Variants in ANKRD31 observed in about 807,000 individuals in gnomAD.
The protein encoded by ANKRD31 is ankyrin repeat domain 31.
Under a neutral mutation model 186.0 loss-of-function variants are expected in ANKRD31, and 147 were observed. That is an observed-to-expected ratio of 0.79 (90% CI 0.69 to 0.91). The LOEUF (loss-of-function observed/expected upper bound fraction) is 0.91, where lower values mean the gene tolerates loss of function less well. Among genes scored for constraint, ANKRD31 ranks in the 40% least tolerant of loss-of-function variants. ANKRD31 has a pLI of 0.00. For missense variants in ANKRD31, 1,986 were observed against 2,148.8 expected (o/e 0.92, Z 1.50); for synonymous variants, 673 against 736.4 (o/e 0.91, Z 1.39).
chr5:75,212,770 T>C (rs1398546347), intron 3 of ANKRD31, among the ~76,000 whole-genome samples: 1 of 152,224 alleles, frequency 6.6e-6, no homozygotes, highest in Admixed American at 6.5e-5. Flanking sequence ...TTAAAAGGAA[T>C]CTTTACCTTT....
intron 17 of ANKRD31, among the ~76,000 whole-genome samples, chr5:75,118,577 T>C (rs980943476): frequency 2.0e-5 from 3 of 152,196 alleles, no homozygotes; most frequent in African/African-American, 7.2e-5. Flanking sequence ...TCTAGATCGG[T>C]ACTGCCCAGT....
intron 10 of ANKRD31, 97 bp from the exon 11 acceptor site, chr5:75,169,218 T>C: frequency 7.3e-7 from 1 of 1,362,308 alleles, no homozygotes; most frequent in Non-Finnish European, 9.8e-7. Flanking sequence ...AAGTTCTTTC[T>C]TCAAAAATAT....
At chr5:75,163,094 G>A (rs1014019543) in intron 11 of ANKRD31, among the ~76,000 whole-genome samples, 1 of 152,078 alleles carries the variant, frequency 6.6e-6, no homozygotes, top group Non-Finnish European at 1.5e-5. Flanking sequence ...TACTAACGAT[G>A]TTTATTTTGG....
chr5:75,148,693 C>G (rs1442112347), intron 12 of ANKRD31, 65 bp from the exon 13 acceptor site: 2 of 1,229,464 alleles, frequency 1.6e-6, no homozygotes, highest in Non-Finnish European at 2.2e-6. Context: ...ACTTCTAAAA[C>G]CCACCAGTCC....
intron 6 of ANKRD31, among the ~76,000 whole-genome samples, chr5:75,197,956 T>C (rs1382606528): frequency 6.6e-6 from 1 of 152,150 alleles, no homozygotes; most frequent in Non-Finnish European, 1.5e-5. Context: ...CTGCAAGTCA[T>C]GTAACGCAGC....
intron 19 of ANKRD31, among the ~76,000 whole-genome samples, chr5:75,115,850 G>A (rs939826261): frequency 1.6e-4 from 24 of 152,026 alleles, no homozygotes; most frequent in African/African-American, 5.6e-4. Flanking sequence ...AGTCAGTGTG[G>A]CGATTCCTCA....
chr5:75,203,986 T>C lies in ANKRD31; in HGVS notation c.403+2425A>G, dbSNP rs372848778. ...ACTTTTTTAAAATCAGAAAGTCTTT[T>C]ATATTTAAAGAGGAACATTAATTAC... On this transcript the variant is annotated intron_variant, in intron 5 of 25. Coordinates refer to ENST00000506364, the MANE Select transcript of ANKRD31 (RefSeq NM_001372053.1). Among the ~76,000 whole-genome samples, 67 of 152,300 alleles carry C rather than the reference T, an allele frequency of 4.4e-4. 2 individuals are homozygous for C. In the South Asian group the frequency reaches 0.014, roughly 31 times the overall value.
At chr5:75,225,588 G>A in intron 2 of ANKRD31, 1 of 247,848 alleles carries the variant, frequency 4.0e-6, no homozygotes. Flanking sequence ...ATTCCAATTT[G>A]ACAGGCAACC....
At chr5:75,196,987 G>A (rs892302370) in intron 6 of ANKRD31, among the ~76,000 whole-genome samples, 8 of 151,366 alleles carry the variant, frequency 5.3e-5, no homozygotes, top group African/African-American at 1.9e-4. Context: ...TGCAACCTCT[G>A]CCTCCAGGAT....
At chr5:75,186,278 T>C (rs1218748760) in intron 10 of ANKRD31, among the ~76,000 whole-genome samples, 1 of 152,292 alleles carries the variant, frequency 6.6e-6, no homozygotes, top group South Asian at 2.1e-4. Flanking sequence ...AGTTATAAAT[T>C]TCCTTCAAAG....
chr5:75,179,645 C>G (rs1449686422), intron 10 of ANKRD31, among the ~76,000 whole-genome samples: 3 of 152,276 alleles, frequency 2.0e-5, no homozygotes, highest in African/African-American at 7.2e-5. Context: ...ACGATTATCT[C>G]AATAGATGCA....
At chr5:75,228,181 T>TGGTTC (rs1217047454) in intron 2 of ANKRD31, among the ~76,000 whole-genome samples, 2 of 152,222 alleles carry the variant, frequency 1.3e-5, no homozygotes, top group East Asian at 3.8e-4. Flanking sequence ...AAAAAAACCC[T>TGGTTC]GGTTCTGTGA....
intron 22 of ANKRD31, 91 bp from the exon 23 acceptor site, chr5:75,091,492 C>G (rs10462512): frequency 0.41 from 495,000 of 1,200,704 alleles, 109,746 homozygotes; most frequent in African/African-American, 0.83. Context: ...ACAGGGACCA[C>G]ATATACCCTA....
intron 9 of ANKRD31, among the ~76,000 whole-genome samples, chr5:75,191,182 T>G (rs1755085717): frequency 6.6e-6 from 1 of 152,160 alleles, no homozygotes; most frequent in Non-Finnish European, 1.5e-5. Context: ...GAAATTAAAG[T>G]TAGTGTAAGG....
chr5:75,100,399 G>C (rs1260930472), intron 22 of ANKRD31, among the ~76,000 whole-genome samples: 1 of 152,174 alleles, frequency 6.6e-6, no homozygotes, highest in East Asian at 1.9e-4. Context: ...TGTATATTCT[G>C]TTGATTTGGG....
At position 75,107,528 on chromosome 5, in the gene ANKRD31, T is replaced by G. The variant is rs1267756031; in HGVS notation, c.4333A>C (p.Lys1445Gln). The G allele has an allele frequency of 4.6e-6, 7 of 1,524,358 alleles. No homozygotes were observed. Among genetic ancestry groups the G allele is most frequent in the Admixed American group, 2.0e-5 (1 of 49,088 alleles). The allele number at this position is 1,524,358 out of a possible 1,614,324, so 94.4% of individuals were successfully genotyped here. ...QKAERDDLAK[K>Q]YRVSIESFKH... Reference sequence around the variant, plus strand: ...TTTTCTTTTTCTACTCACCTGTATTTTTTAGCCAGATCATCCCTTTCTGCT... The same window carrying G: ...TTTTCTTTTTCTACTCACCTGTATTGTTTAGCCAGATCATCCCTTTCTGCT... Residue 1445 changes from lysine to glutamine, a missense_variant, in exon 21 of 26, where the codon AAA becomes CAA. Lys to Gln is a moderately conservative substitution (Grantham distance 53). Coordinates refer to ENST00000506364, the MANE Select transcript of ANKRD31 (RefSeq NM_001372053.1).
chr5:75,110,948 T>G (rs1747732153), intron 20 of ANKRD31, among the ~76,000 whole-genome samples: 1 of 151,688 alleles, frequency 6.6e-6, no homozygotes, highest in African/African-American at 2.4e-5. Flanking sequence ...TTATATAATT[T>G]GACCAATAGT....
At chr5:75,140,811 GA>G (rs1453271861) in intron 15 of ANKRD31, among the ~76,000 whole-genome samples, 3 of 152,122 alleles carry the variant, frequency 2.0e-5, no homozygotes, top group African/African-American at 7.2e-5. Context: ...CCATCCTCAA[GA>G]AATTGAATTC....
intron 1 of ANKRD31, among the ~76,000 whole-genome samples, chr5:75,235,902 GTA>G (rs1758243679): frequency 6.6e-6 from 1 of 151,998 alleles, no homozygotes. Context: ...TGGCAAGTGG[GTA>G]TGATGAGGAA....
Sources: gnomAD v4.1 joint callset for allele counts (sites outside exome capture counted in the v4.1 genomes callset) on GRCh38, gnomAD v4.1.1 for gene constraint, MANE v1.5 for transcripts, NCBI Gene and HGNC (gene_info 2026-07-23, HGNC 2026-07-21) for gene names.